Variants in MFF observed in about 807,000 individuals in gnomAD.
MFF encodes the protein mitochondrial fission factor.
MFF carries 12 observed loss-of-function variants against 36.9 expected under a neutral mutation model. That is an observed-to-expected ratio of 0.33 (90% CI 0.21 to 0.53). The LOEUF (loss-of-function observed/expected upper bound fraction) is 0.53, where lower values mean the gene tolerates loss of function less well. Among genes scored for constraint, MFF ranks in the 20% least tolerant of loss-of-function variants. The pLI is 0.95. For missense variants in MFF, 348 were observed against 366.6 expected (o/e 0.95, Z 0.42); for synonymous variants, 99 against 126.2 (o/e 0.78, Z 1.44).
chr2:227,326,119 A>G (rs1178497018), intron 1 of MFF, among the ~76,000 whole-genome samples: 1 of 152,066 alleles, frequency 6.6e-6, no homozygotes, highest in Non-Finnish European at 1.5e-5. Flanking sequence ...TTACTATCGT[A>G]AAAGAACACC....
At chr2:227,348,102 A>G (rs2075805608) in intron 6 of MFF, among the ~76,000 whole-genome samples, 1 of 152,132 alleles carries the variant, frequency 6.6e-6, no homozygotes, top group Non-Finnish European at 1.5e-5. Flanking sequence ...GATAGAGTCA[A>G]TTTCATTTCA....
intron 2 of MFF, chr2:227,329,249 C>T (rs2106339213): frequency 6.5e-6 from 1 of 154,268 alleles, no homozygotes; most frequent in East Asian, 1.9e-4. Flanking sequence ...ATGATTTATT[C>T]ATTTGGGCTT....
chr2:227,334,896 C>T lies in MFF; in HGVS notation c.351+2308C>T, dbSNP rs368353532. On this transcript the variant is annotated intron_variant, in intron 4 of 8. Coordinates refer to ENST00000304593, the MANE Select transcript of MFF (RefSeq NM_001277062.2). The stretch of plus-strand genomic sequence containing the variant: ...AAAAAAATGAGGTACTGGCTGGGTG[C>T]GGTGGCTCATGCCTGCAATCCCAGC... Among the ~76,000 whole-genome samples the T allele has an allele frequency of 5.1e-4, 77 of 152,198 alleles. No individual in the cohort carries two copies. In the South Asian group the frequency reaches 9.7e-3, roughly 19 times the overall value.
chr2:227,339,461 T>C (rs1327822346), intron 4 of MFF, among the ~76,000 whole-genome samples: 3 of 152,234 alleles, frequency 2.0e-5, no homozygotes, highest in Non-Finnish European at 4.4e-5. Context: ...TCTGCAGTTA[T>C]CTGAAGGTTT....
At position 227,331,959 on chromosome 2, in the gene MFF, A is replaced by ATATTTTTTTTTTTTTTT. The variant is rs572787657; in HGVS notation, c.182-459_182-458insATTTTTTTTTTTTTTTT. On this transcript the variant is annotated intron_variant, in intron 3 of 8. Transcript: ENST00000304593. ...AGTGAAATGTCAATACGCTGGAAGC[A>ATATTTTTTTTTTTTTTT]TTTTTTTTTTTTTTTTTTTTTTTTT... 1.6e-4 allele frequency among the ~76,000 whole-genome samples: 12 copies of ATATTTTTTTTTTTTTTT among 76,836 alleles called. 2 individuals carry two copies. Among genetic ancestry groups the ATATTTTTTTTTTTTTTT allele is most frequent in the African/African-American group, 5.5e-4 (12 of 21,964 alleles). 50.4% of individuals were successfully genotyped at this position (76,836 alleles called of 152,430 possible).
At position 227,330,800 on chromosome 2, in the gene MFF, A is replaced by G. The variant is rs2074515281; in HGVS notation, c.135A>G (p.Pro45=). The G allele has an allele frequency of 6.2e-7, 1 of 1,614,138 alleles. No individual in the cohort carries two copies. Among genetic ancestry groups the G allele is most frequent in the East Asian group, 2.2e-5 (1 of 44,902 alleles). ...DLEQGFQEGV[P]NASVIMQVPE... Reference sequence around the variant, plus strand: ...AACAAGGATTCCAAGAAGGAGTTCCAAATGCTAGTGTGATAATGCAAGTTC... The same window carrying G: ...AACAAGGATTCCAAGAAGGAGTTCCGAATGCTAGTGTGATAATGCAAGTTC... Residue 45 remains proline, a synonymous_variant, in exon 3 of 9, where the codon CCA becomes CCG. Transcript: ENST00000304593.
chr2:227,337,441 C>T (rs2075089617), intron 4 of MFF, among the ~76,000 whole-genome samples: 1 of 152,186 alleles, frequency 6.6e-6, no homozygotes, highest in Admixed American at 6.5e-5. Context: ...CACGAAGGCT[C>T]TGAGTAGATT....
chr2:227,354,367 G>A (rs1053085824), intron 7 of MFF, among the ~76,000 whole-genome samples: 1 of 152,136 alleles, frequency 6.6e-6, no homozygotes, highest in South Asian at 2.1e-4. Context: ...GCTGGGATAG[G>A]TATTAGAATA....
At chr2:227,336,016 T>C (rs1479442648) in intron 4 of MFF, among the ~76,000 whole-genome samples, 2 of 152,130 alleles carry the variant, frequency 1.3e-5, no homozygotes, top group Non-Finnish European at 2.9e-5. Context: ...GACTAGGCAG[T>C]GTGAATGAGG....
intron 5 of MFF, among the ~76,000 whole-genome samples, chr2:227,345,766 A>T (rs911718643): frequency 6.6e-6 from 1 of 152,104 alleles, no homozygotes; most frequent in Non-Finnish European, 1.5e-5. Flanking sequence ...ATCAGTAGAT[A>T]ATGTTGGCTT....
At chr2:227,331,961 T>A (rs7582607) in intron 3 of MFF, among the ~76,000 whole-genome samples, 20,804 of 31,930 alleles carry the variant, frequency 0.65, 6,381 homozygotes, top group Middle Eastern at 0.81. Flanking sequence ...CTGGAAGCAT[T>A]TTTTTTTTTT....
chr2:227,331,037 A>T (rs1285511374), intron 3 of MFF, among the ~76,000 whole-genome samples, 191 bp downstream of exon 3: 1 of 152,198 alleles, frequency 6.6e-6, no homozygotes, highest in Non-Finnish European at 1.5e-5. Context: ...CTAATTATTG[A>T]GGTTTTACAC....
At chr2:227,338,909 T>G (rs1453849593) in intron 4 of MFF, among the ~76,000 whole-genome samples, 1 of 151,106 alleles carries the variant, frequency 6.6e-6, no homozygotes, top group Non-Finnish European at 1.5e-5. Flanking sequence ...GTTTTGTTTT[T>G]TTTAGTATTT....
At chr2:227,327,141 A>G (rs765711778) in intron 1 of MFF, among the ~76,000 whole-genome samples, 4 of 152,242 alleles carry the variant, frequency 2.6e-5, no homozygotes, top group African/African-American at 4.8e-5. Context: ...AAAAAAATTA[A>G]CTGTAGCAAA....
At chr2:227,339,144 A>G (rs1414776624) in intron 4 of MFF, among the ~76,000 whole-genome samples, 2 of 151,420 alleles carry the variant, frequency 1.3e-5, no homozygotes, top group Non-Finnish European at 2.9e-5. Context: ...TGAGGCTGCA[A>G]CGAGCCATGA....
intron 5 of MFF, among the ~76,000 whole-genome samples, chr2:227,343,777 T>C (rs1405275059): frequency 6.6e-6 from 1 of 152,056 alleles, no homozygotes; most frequent in Non-Finnish European, 1.5e-5. Flanking sequence ...TTGGCTGGTG[T>C]TTTTTTGGTT....
intron 2 of MFF, chr2:227,329,814 A>G (rs1280242948): frequency 1.4e-6 from 2 of 1,446,672 alleles, no homozygotes; most frequent in South Asian, 1.2e-5. Flanking sequence ...TTGAGCTGGT[A>G]TTATAGGTTT....
At chr2:227,338,362 T>G (rs1574932088) in intron 4 of MFF, among the ~76,000 whole-genome samples, 1 of 4,068 alleles carries the variant, frequency 2.5e-4, no homozygotes, top group Non-Finnish European at 5.0e-3. Flanking sequence ...AGAGTGACAC[T>G]CTGTCTCAAA....
Position 227,330,747 on chromosome 2 carries a change from A to C in MFF, c.82A>C (p.Lys28Gln). ...SQRMRVPEKLKVAPPNADLEQ... is the reference protein window; with the variant it reads ...SQRMRVPEKLQVAPPNADLEQ... Reference sequence around the variant, plus strand: ...GCGAATGAGGGTCCCAGAAAAGTTAAAAGTAGCACCGCCAAACGCTGACCT... The same window carrying C: ...GCGAATGAGGGTCCCAGAAAAGTTACAAGTAGCACCGCCAAACGCTGACCT... Residue 28 changes from lysine to glutamine, a missense_variant, in exon 3 of 9, where the codon AAA becomes CAA. Lys to Gln is a moderately conservative substitution (Grantham distance 53). Transcript: ENST00000304593. 6.2e-7 allele frequency: 1 copy of C among 1,614,240 alleles called. No individual in the cohort carries two copies.
Sources: allele counts gnomAD v4.1 joint callset (sites outside exome capture counted in the v4.1 genomes callset), GRCh38; gene constraint gnomAD v4.1.1; transcripts MANE v1.5; gene names NCBI Gene and HGNC (gene_info 2026-07-23, HGNC 2026-07-21).